Variants in SPATA6L observed in about 807,000 individuals in gnomAD.
The protein encoded by SPATA6L is spermatogenesis associated 6-like protein.
A neutral mutation model predicts 49.2 loss-of-function variants in SPATA6L; 68 were observed. The ratio of observed to expected loss-of-function variants is 1.38; its 90% CI spans 1.14 to 1.69. SPATA6L has a LOEUF of 1.69. Ranked by LOEUF, SPATA6L falls within the 40% of genes most tolerant of loss-of-function variation. SPATA6L has a pLI of 0.00. For synonymous variants in SPATA6L, 198 were observed against 165.7 expected, an observed-to-expected ratio of 1.19 and a Z score of -1.50; for missense variants, 668 against 464.3, an observed-to-expected ratio of 1.44 and a Z score of -4.03.
chr9:4,665,998 G>GAA (rs201157887), intron 1 of SPATA6L, among the ~76,000 whole-genome samples: 6 of 141,218 alleles, frequency 4.2e-5, no homozygotes, highest in African/African-American at 1.3e-4. Flanking sequence ...CTTTAGAACA[G>GAA]AAAAAAAAAA....
chr9:4,661,968 C>G lies in SPATA6L; in HGVS notation c.108G>C (p.Gln36His). The G allele has an allele frequency of 1.2e-6, 2 of 1,614,092 alleles. No homozygotes were observed. Among genetic ancestry groups the G allele is most frequent in the Non-Finnish European group, 1.7e-6 (2 of 1,179,988 alleles). ...DVYLGVYLMNQYLETNSFPSA... is the reference protein window; with the variant it reads ...DVYLGVYLMNHYLETNSFPSA... ...AGGGAAAGCTGTTGGTCTCCAGGTACTGATTCATGAGGTAGACCCCGAGGT... is the reference window on the plus strand; with the variant it reads ...AGGGAAAGCTGTTGGTCTCCAGGTAGTGATTCATGAGGTAGACCCCGAGGT... Residue 36 changes from glutamine (Q) to histidine (H), a missense_variant, in exon 2 of 12, where the codon CAG becomes CAC. Transcript: ENST00000682582.
chr9:4,595,506 C>T (rs1822189981), downstream of SPATA6L, among the ~76,000 whole-genome samples: 1 of 152,174 alleles, frequency 6.6e-6, no homozygotes, highest in Non-Finnish European at 1.5e-5. Flanking sequence ...TTATTGTCTA[C>T]AGCACAAGTT....
Position 4,618,884 on chromosome 9 carries a change from T to C in SPATA6L, c.787A>G (p.Ser263Gly). ...ATTACCTTTACGTTAGCTGCAAGGC[T>C]GTCAAGAGAAGAAGCTAGAAGAAAG... ...FPTRRASSLD[S>G]LAANVKVIKE... Residue 263 changes from serine (S) to glycine (G), a missense_variant, in exon 8 of 12, where the codon AGC becomes GGC. Ser to Gly is a moderately conservative substitution (Grantham distance 56). Coordinates refer to ENST00000682582, the MANE Select transcript of SPATA6L (RefSeq NM_001353486.2). 3 of 1,613,372 alleles carry C rather than the reference T, an allele frequency of 1.9e-6. No homozygotes were observed. The highest frequency in any genetic ancestry group is 1.7e-4 in the Middle Eastern group (1 of 6,052).
intron 3 of SPATA6L, among the ~76,000 whole-genome samples, chr9:4,635,927 G>C (rs567988425): frequency 6.6e-6 from 1 of 152,298 alleles, no homozygotes; most frequent in African/African-American, 2.4e-5. Context: ...AGAGGTGTGA[G>C]GGAGTTCTGC....
At chr9:4,658,159 T>C (rs933645655) in intron 2 of SPATA6L, among the ~76,000 whole-genome samples, 6 of 152,254 alleles carry the variant, frequency 3.9e-5, no homozygotes, top group African/African-American at 9.6e-5. Context: ...TATGTTTCTG[T>C]TGTTTAAGCC....
intron 4 of SPATA6L, chr9:4,633,582 G>A (rs10974685): frequency 0.13 from 25,251 of 187,278 alleles, 2,891 homozygotes; most frequent in East Asian, 0.32. Flanking sequence ...CACATGTCCT[G>A]TAACACAAAC....
chr9:4,657,946 TC>T (rs967374439), intron 2 of SPATA6L, among the ~76,000 whole-genome samples: 2 of 152,050 alleles, frequency 1.3e-5, no homozygotes, highest in African/African-American at 2.4e-5. Context: ...CCTAATGACT[TC>T]CCCCACCCCC....
At chr9:4,611,034 A>G (rs1397348807) in intron 9 of SPATA6L, among the ~76,000 whole-genome samples, 3 of 149,600 alleles carry the variant, frequency 2.0e-5, no homozygotes, top group African/African-American at 5.0e-5. Context: ...GCAGCCAAAA[A>G]ACACATGAAA....
intron 2 of SPATA6L, among the ~76,000 whole-genome samples, chr9:4,658,254 A>T (rs927697816): frequency 6.6e-6 from 1 of 152,200 alleles, no homozygotes; most frequent in Non-Finnish European, 1.5e-5. Context: ...GATCTTGGGG[A>T]GTAAATAATC....
intron 4 of SPATA6L, among the ~76,000 whole-genome samples, chr9:4,631,438 A>G (rs1831521386): frequency 6.6e-6 from 1 of 152,078 alleles, no homozygotes; most frequent in South Asian, 2.1e-4. Flanking sequence ...CTATTATCTA[A>G]TAGATGAGAC....
chr9:4,605,747 C>T (rs1586957824), intron 9 of SPATA6L, among the ~76,000 whole-genome samples: 1 of 152,206 alleles, frequency 6.6e-6, no homozygotes, highest in African/African-American at 2.4e-5. Flanking sequence ...CCTACTTTTA[C>T]ATTTAAAATT....
Position 4,662,647 on chromosome 9 carries a change from G to C in SPATA6L, c.40-611C>G, listed in dbSNP as rs931597183. On this transcript the variant is annotated intron_variant, in intron 1 of 11. Transcript: ENST00000682582. The surrounding 1 kb of genome is among the most constrained non-coding windows in gnomAD (Gnocchi z 4.9). ...GCGCCTCCGCTGCCCGAGGAGGACC[G>C]CATGGACTTGAACCCGTCCTTCCTG... 3.1e-6 allele frequency: 5 copies of C among 1,599,364 alleles called. No homozygotes were observed. Among genetic ancestry groups the C allele is most frequent in the Non-Finnish European group, 3.4e-6 (4 of 1,179,720 alleles).
At chr9:4,638,947 G>A (rs62543893) in intron 3 of SPATA6L, among the ~76,000 whole-genome samples, 8,602 of 152,052 alleles carry the variant, frequency 0.057, 349 homozygotes, top group African/African-American at 0.11. Context: ...ACAAATTCAA[G>A]TTCTAGGGTC....
chr9:4,644,968 T>C (rs190965251), intron 3 of SPATA6L, among the ~76,000 whole-genome samples: 4 of 152,314 alleles, frequency 2.6e-5, no homozygotes, highest in Admixed American at 6.5e-5. Flanking sequence ...TTGTAGGCCA[T>C]CTGTTCAAAT....
downstream of SPATA6L, among the ~76,000 whole-genome samples, chr9:4,596,198 A>C (rs1822241449): frequency 6.6e-6 from 1 of 152,178 alleles, no homozygotes; most frequent in Non-Finnish European, 1.5e-5. Context: ...TACACCCCTT[A>C]GTGTGACCCC....
At chr9:4,591,093 T>A (rs1053061596) in intron 13 of SPATA6L, among the ~76,000 whole-genome samples, 1 of 152,134 alleles carries the variant, frequency 6.6e-6, no homozygotes, top group African/African-American at 2.4e-5. Flanking sequence ...CTGCGCCCCA[T>A]GGAAAGTACC....
At chr9:4,606,244 G>A (rs1824942556) in intron 9 of SPATA6L, among the ~76,000 whole-genome samples, 2 of 143,618 alleles carry the variant, frequency 1.4e-5, no homozygotes, top group Non-Finnish European at 3.0e-5. Context: ...CATTGCCCAG[G>A]CTTGCTGAGG....
rs769185685 is a variant in SPATA6L, at chr9:4,626,426, C to T, written c.430-860G>A. 3.8e-6 allele frequency: 5 copies of T among 1,304,068 alleles called. No individual in the cohort carries two copies. The South Asian group carries it at 6.2e-5, about 16-fold the overall frequency. 80.8% of individuals were successfully genotyped at this position (1,304,068 alleles called of 1,614,324 possible). ...GAGTTCCAGCTCATCCAAGTCCCACCTTCGAATTCCTGAAGAAGCATCCAG... is the reference window on the plus strand; with the variant it reads ...GAGTTCCAGCTCATCCAAGTCCCACTTTCGAATTCCTGAAGAAGCATCCAG... On this transcript the variant is annotated intron_variant, in intron 5 of 11. Coordinates refer to ENST00000682582, the MANE Select transcript of SPATA6L (RefSeq NM_001353486.2).
chr9:4,666,185 A>G, intron 1 of SPATA6L, 27 bp downstream of exon 1: 1 of 1,613,412 alleles, frequency 6.2e-7, no homozygotes, highest in Non-Finnish European at 8.5e-7. Context: ...CTTGAGGTTA[A>G]GGAGGGGGAG....
Sources: allele counts gnomAD v4.1 joint callset (sites outside exome capture counted in the v4.1 genomes callset), GRCh38; gene constraint gnomAD v4.1.1; non-coding constraint Gnocchi (gnomAD v3.1); transcripts MANE v1.5; gene names NCBI Gene and HGNC (gene_info 2026-07-23, HGNC 2026-07-21).